The following MAMLD1 variants were observed in gnomAD, a reference collection of about 807,000 sequenced individuals.
MAMLD1 encodes mastermind-like domain-containing protein 1.
MAMLD1 carries 14 observed loss-of-function variants against 45.0 expected under a neutral mutation model. That is an observed-to-expected ratio of 0.31 (90% CI 0.21 to 0.49). MAMLD1 has a LOEUF of 0.49. Among genes scored for constraint, MAMLD1 ranks in the 20% least tolerant of loss-of-function variants. The pLI is 0.99. For missense variants in MAMLD1, 543 were observed against 603.6 expected (o/e 0.90, Z 1.05); for synonymous variants, 254 against 247.8 (o/e 1.02, Z -0.24).
At chrX:150,372,275 G>A (rs1040405958) in intron 1 of MAMLD1, among the ~76,000 whole-genome samples, 12 of 112,119 alleles carry the variant, frequency 1.1e-4, no homozygotes, top group Admixed American at 7.5e-4. Context: ...TGTGTGTCTC[G>A]TTTTCGAGTT....
At chrX:150,449,032 C>A (rs1557404933) in intron 2 of MAMLD1, among the ~76,000 whole-genome samples, 1 of 111,523 alleles carries the variant, frequency 9.0e-6, no homozygotes, top group Non-Finnish European at 1.9e-5. Flanking sequence ...CTTCTGTGTT[C>A]AGCCATTTAA....
intron 5 of MAMLD1, among the ~76,000 whole-genome samples, chrX:150,481,577 C>G (rs1313022576): frequency 9.0e-6 from 1 of 111,614 alleles, no homozygotes; most frequent in Non-Finnish European, 1.9e-5. Context: ...CACCTGTAAT[C>G]GCAGCACTTT....
rs2037958945 is a variant in MAMLD1 at position 150,513,417 on chromosome X, T to C, written c.*1458T>C. On this transcript the variant is annotated 3_prime_UTR_variant, in exon 8 of 8. Transcript: ENST00000370401. ...TGTTACAAATATGCAGACCGTGTTG[T>C]TTGCTCCAGTGATACCTTGTTAAGC... 3.2e-6 allele frequency: 1 copy of C among 309,060 alleles called. No individual in the cohort carries two copies. 25.5% of individuals were successfully genotyped at this position (309,060 alleles called of 1,213,427 possible).
chrX:150,426,078 C>T (rs1157773635), intron 1 of MAMLD1, among the ~76,000 whole-genome samples: 1 of 111,569 alleles, frequency 9.0e-6, no homozygotes, highest in Non-Finnish European at 1.9e-5. Flanking sequence ...CTTGGCTATA[C>T]TGACATCTAG....
intron 1 of MAMLD1, among the ~76,000 whole-genome samples, chrX:150,380,349 T>A (rs930876219): frequency 8.9e-6 from 1 of 112,095 alleles, no homozygotes; most frequent in Non-Finnish European, 1.9e-5. Flanking sequence ...TCTGTTCATG[T>A]CTTTTCTCCC....
At chrX:150,406,479 G>C (rs1437467296) in intron 1 of MAMLD1, among the ~76,000 whole-genome samples, 1 of 111,682 alleles carries the variant, frequency 9.0e-6, no homozygotes, top group African/African-American at 3.3e-5. Context: ...CAGCTTGTTA[G>C]TCTGTTGAAA....
intron 1 of MAMLD1, among the ~76,000 whole-genome samples, chrX:150,392,493 C>T (rs1007524208): frequency 9.0e-6 from 1 of 111,159 alleles, no homozygotes; most frequent in Non-Finnish European, 1.9e-5. Context: ...TCCTGACCTT[C>T]CTTACACTAC....
At chrX:150,460,770 C>G (rs782024981) in intron 2 of MAMLD1, among the ~76,000 whole-genome samples, 2 of 112,383 alleles carry the variant, frequency 1.8e-5, no homozygotes, top group East Asian at 5.6e-4. Flanking sequence ...CTGATTGTTT[C>G]TAGCTCTCAG....
At chrX:150,475,876 C>T (rs969412016) in intron 5 of MAMLD1, among the ~76,000 whole-genome samples, 2 of 112,110 alleles carry the variant, frequency 1.8e-5, no homozygotes, top group African/African-American at 6.5e-5. Flanking sequence ...CTGAAACCTC[C>T]GGGGCCTGAT....
At chrX:150,368,224 G>C (rs1450762319) in intron 1 of MAMLD1, among the ~76,000 whole-genome samples, 1 of 110,737 alleles carries the variant, frequency 9.0e-6, no homozygotes, top group Non-Finnish European at 1.9e-5. Context: ...AGCACCTGTT[G>C]TTTCCTGACT....
At chrX:150,460,187 G>T (rs2035992183) in intron 2 of MAMLD1, among the ~76,000 whole-genome samples, 1 of 112,062 alleles carries the variant, frequency 8.9e-6, no homozygotes, top group Admixed American at 9.4e-5. Context: ...TGATCTGATG[G>T]GGCCAATCCA....
At position 150,513,819 on chromosome X, in the gene MAMLD1, A is replaced by T. The variant is rs1318279909; in HGVS notation, c.*1860A>T. 1 of 295,813 alleles carries T rather than the reference A, an allele frequency of 3.4e-6. No individual in the cohort carries two copies. The highest frequency in any genetic ancestry group is 5.9e-6 in the Non-Finnish European group (1 of 170,073). The allele number at this position is 295,813 out of a possible 1,213,427, so 24.4% of individuals were successfully genotyped here. A position where few individuals can be genotyped will look rare whatever the true frequency, so the allele number is the denominator to read the frequency against. ...CCCTTTACCATTCAGACCGAGAGAA[A>T]AAGCCCAGCTTGTGTGCACCCTCGT... On this transcript the variant is annotated 3_prime_UTR_variant, in exon 8 of 8. Coordinates refer to ENST00000370401, the MANE Select transcript of MAMLD1 (RefSeq NM_005491.5).
intron 7 of MAMLD1, 56 bp downstream of exon 7, chrX:150,510,102 A>G: frequency 1.3e-6 from 1 of 778,274 alleles, no homozygotes; most frequent in Non-Finnish European, 1.9e-6. Flanking sequence ...CATATGTGGA[A>G]GTGGGGTGAG....
At chrX:150,467,839 T>TG (rs1401756538) in intron 3 of MAMLD1, among the ~76,000 whole-genome samples, 1 of 112,129 alleles carries the variant, frequency 8.9e-6, no homozygotes, top group Non-Finnish European at 1.9e-5. Context: ...AGAAGGGTAT[T>TG]GGACTCCCAG....
chrX:150,407,871 G>T (rs2034035113), intron 1 of MAMLD1, among the ~76,000 whole-genome samples: 1 of 112,328 alleles, frequency 8.9e-6, no homozygotes, highest in Admixed American at 9.4e-5. Flanking sequence ...TAATGTTGGG[G>T]AAAGAGTTTA....
chrX:150,428,422 T>C (rs1424589470), intron 1 of MAMLD1, among the ~76,000 whole-genome samples: 1 of 112,892 alleles, frequency 8.9e-6, no homozygotes, highest in Non-Finnish European at 1.9e-5. Context: ...CCAAATTGCA[T>C]GTGGCAGATG....
intron 1 of MAMLD1, among the ~76,000 whole-genome samples, chrX:150,400,262 T>C (rs1051816937): frequency 8.9e-6 from 1 of 112,002 alleles, no homozygotes; most frequent in Non-Finnish European, 1.9e-5. Flanking sequence ...CTACAGAGAC[T>C]TCAACTAATT....
rs1569564919 is a variant in MAMLD1, at chrX:150,473,734, C to T, written c.1972C>T (p.His658Tyr). 4 of 1,205,826 alleles carry T rather than the reference C, an allele frequency of 3.3e-6. No homozygotes were observed. The highest frequency in any genetic ancestry group is 4.5e-6 in the Non-Finnish European group (4 of 889,957). ...TGCAGCTAGCTCGGTGAAGCCCCAG[C>T]ATCAACACGGGAACTCTTTCACTAG... The part of the protein sequence containing the change: ...TSAASSVKPQ[H>Y]QHGNSFTSRQ... Residue 658 changes from histidine to tyrosine, a missense_variant, in exon 5 of 8, where the codon CAT becomes TAT. Transcript: ENST00000370401.
At position 150,487,568 on chromosome X, in the gene MAMLD1, A is replaced by G. The variant is rs150286656; in HGVS notation, c.2040+13766A>G. On this transcript the variant is annotated intron_variant, in intron 5 of 7. Coordinates refer to ENST00000370401, the MANE Select transcript of MAMLD1 (RefSeq NM_005491.5). ...TTCTCCCTATGTGACCCGGGTATTCATTGGGTCTTAGAATAGGAGTAGCAC... is the reference window on the plus strand; with the variant it reads ...TTCTCCCTATGTGACCCGGGTATTCGTTGGGTCTTAGAATAGGAGTAGCAC... 6.3e-3 allele frequency among the ~76,000 whole-genome samples: 709 copies of G among 111,865 alleles called. 2 individuals are homozygous for G. The highest frequency in any genetic ancestry group is 9.9e-3 in the Non-Finnish European group (525 of 53,117).
Sources: allele counts gnomAD v4.1 joint callset (sites outside exome capture counted in the v4.1 genomes callset), GRCh38; gene constraint gnomAD v4.1.1; transcripts MANE v1.5; gene names NCBI Gene and HGNC (gene_info 2026-07-23, HGNC 2026-07-21).